The following YLPM1 variants were observed in gnomAD, a reference collection of about 807,000 sequenced individuals.
The protein encoded by YLPM1 is YLP motif containing 1.
A neutral mutation model predicts 230.0 loss-of-function variants in YLPM1; 99 were observed. The ratio of observed to expected loss-of-function variants is 0.43; its 90% CI spans 0.37 to 0.51. YLPM1 has a LOEUF of 0.51. Ranked by LOEUF, YLPM1 falls within the 20% of genes least tolerant of loss-of-function variation. The probability of loss-of-function intolerance (pLI) is 0.00; values close to 1 mark genes in which losing one functional copy is unlikely to be tolerated. For synonymous variants in YLPM1, 984 were observed against 942.5 expected (o/e 1.04, Z -0.81); for missense variants, 2,592 against 2,707.7 (o/e 0.96, Z 0.95).
intron 1 of YLPM1, among the ~76,000 whole-genome samples, chr14:74,770,254 G>A (rs1044135853): frequency 6.6e-6 from 1 of 151,706 alleles, no homozygotes; most frequent in Non-Finnish European, 1.5e-5. Context: ...TGGCTGAGGT[G>A]GGAGGATTGT....
chr14:74,782,615 T>G (rs1046518854), intron 4 of YLPM1, among the ~76,000 whole-genome samples: 5 of 152,222 alleles, frequency 3.3e-5, no homozygotes, highest in African/African-American at 1.2e-4. Context: ...TTAAAAATAA[T>G]ATTAAACTTT....
At chr14:74,823,151 C>T (rs1193259581) in intron 17 of YLPM1, among the ~76,000 whole-genome samples, 1 of 147,898 alleles carries the variant, frequency 6.8e-6, no homozygotes, top group African/African-American at 2.5e-5. Context: ...TAGGATTATG[C>T]TCTAGTAAAC....
In YLPM1 at chr14:74,798,269, A is replaced by G; in HGVS notation, c.2972A>G (p.His991Arg). The G allele has an allele frequency of 6.2e-7, 1 of 1,614,010 alleles. No homozygotes were observed. Among genetic ancestry groups the G allele is most frequent in the Non-Finnish European group, 8.5e-7 (1 of 1,179,902 alleles). The change falls in exon 5 of 21, where the codon CAT becomes CGT. Residue 991 changes from histidine to arginine, a missense_variant. Physicochemically the swap from His to Arg is conservative, Grantham distance 29. Coordinates refer to ENST00000325680, the MANE Select transcript of YLPM1 (RefSeq NM_019589.3). Reference sequence around the variant, plus strand: ...AAACCTGTGGGTATTGGTCTACCCCATTCAGAAAACAACCAAGATAAAGGC... The same window carrying G: ...AAACCTGTGGGTATTGGTCTACCCCGTTCAGAAAACAACCAAGATAAAGGC... ...DFKPVGIGLP[H>R]SENNQDKGLP...
chr14:74,833,240 G>T (rs1419584453), intron 19 of YLPM1, among the ~76,000 whole-genome samples: 1 of 152,034 alleles, frequency 6.6e-6, no homozygotes, highest in African/African-American at 2.4e-5. Flanking sequence ...GAATATACAT[G>T]AATTAAATTT....
chr14:74,821,002 A>G lies in YLPM1; in HGVS notation c.6031-55A>G, dbSNP rs116608059. The G allele has an allele frequency of 1.5e-3, 2,079 of 1,401,264 alleles. 30 individuals carry two copies. The African/African-American group carries it at 0.027, about 18-fold the overall frequency. 86.8% of individuals were successfully genotyped at this position (1,401,264 alleles called of 1,614,324 possible). A position where few individuals can be genotyped will look rare whatever the true frequency, so the allele number is the denominator to read the frequency against. On this transcript the variant is annotated intron_variant, in intron 16 of 20. Coordinates refer to ENST00000325680, the MANE Select transcript of YLPM1 (RefSeq NM_019589.3). ...ATTCCAGATCTCAATGAGGGAGTCA[A>G]TATTTTGCTAAATGTTAACTCAGTC... is the stretch of plus-strand genomic sequence containing the variant.
chr14:74,835,382 A>G lies in YLPM1; in HGVS notation c.6412A>G (p.Lys2138Glu). 6.2e-7 allele frequency: 1 copy of G among 1,613,724 alleles called. No individual in the cohort carries two copies. Among genetic ancestry groups the G allele is most frequent in the Non-Finnish European group, 8.5e-7 (1 of 1,179,706 alleles). ...ITDESGHLAE[K>E]ALNRTKYI Reference sequence around the variant, plus strand: ...AGATGAAAGTGGTCACCTGGCTGAAAAAGCCCTCAATCGAACCAAATATAT... The same window carrying G: ...AGATGAAAGTGGTCACCTGGCTGAAGAAGCCCTCAATCGAACCAAATATAT... Residue 2138 changes from lysine to glutamate, a missense_variant, in exon 20 of 21, where the codon AAA (lysine) becomes GAA (glutamate). Around this residue, in one of 4 missense-constraint regions of YLPM1, gnomAD observed 315 missense variants for 429.3 expected, o/e 0.73. Transcript: ENST00000325680.
At chr14:74,805,628 GGTGT>G (rs1236457988) in intron 6 of YLPM1, among the ~76,000 whole-genome samples, 1 of 152,072 alleles carries the variant, frequency 6.6e-6, no homozygotes. Context: ...TGGGATTACA[GGTGT>G]GAGCCCCTGC....
At chr14:74,769,269 T>C (rs1449993508) in intron 1 of YLPM1, among the ~76,000 whole-genome samples, 1 of 86,284 alleles carries the variant, frequency 1.2e-5, no homozygotes, top group Non-Finnish European at 2.1e-5. Context: ...CTTTTTTTTT[T>C]TTTTTTTTTT....
At position 74,802,665 on chromosome 14, in the gene YLPM1, G is replaced by A; in HGVS notation, c.4510G>A (p.Gly1504Arg). 1 of 1,609,766 alleles carries A rather than the reference G, an allele frequency of 6.2e-7. No individual in the cohort carries two copies. Among genetic ancestry groups the A allele is most frequent in the Admixed American group, 1.7e-5 (1 of 59,472 alleles). ...SRLQNTSSRP[G>R]MYPPPGSYRP... ...ATTGCAGAATACATCTTCAAGACCT[G>A]GAATGTATCCGGTATGGGAGAATGT... The change falls in exon 6 of 21, where the codon GGA (glycine) becomes AGA (arginine). Residue 1504 changes from glycine to arginine, a missense_variant. Transcript: ENST00000325680.
At position 74,820,253 on chromosome 14, in the gene YLPM1, T is replaced by C. The variant is rs536365663; in HGVS notation, c.6031-804T>C. The stretch of plus-strand genomic sequence containing the variant: ...CGGTGCTCTGGGAGTTATCCCTGAC[T>C]CTTTTGTCATTGTTGAGACAGAGTC... On this transcript the variant is annotated intron_variant, in intron 16 of 20. Transcript: ENST00000325680. Among the ~76,000 whole-genome samples, 3 of 152,286 alleles carry C rather than the reference T, an allele frequency of 2.0e-5. No individual in the cohort carries two copies. In the East Asian group the frequency reaches 5.8e-4, roughly 29 times the overall value.
In YLPM1 at chr14:74,778,512, G is replaced by A. The variant is rs142846161; in HGVS notation, c.939G>A (p.Leu313=). 5,513 of 1,608,622 alleles carry A rather than the reference G, an allele frequency of 3.4e-3. 15 individuals carry two copies. The highest frequency in any genetic ancestry group is 4.0e-3 in the Non-Finnish European group (4,721 of 1,177,524). ...TGCAACAGAGGACAAAAGTTCATTTGCCAGGACACAAAAAGGGTCCTGTGG... is the reference window on the plus strand; with the variant it reads ...TGCAACAGAGGACAAAAGTTCATTTACCAGGACACAAAAAGGGTCCTGTGG... ...LSLQQRTKVH[L]PGHKKGPVVA... The change falls in exon 2 of 21, where the codon TTG becomes TTA. Residue 313 remains leucine, a synonymous_variant. Coordinates refer to ENST00000325680, the MANE Select transcript of YLPM1 (RefSeq NM_019589.3).
In YLPM1 at chr14:74,763,736, C is replaced by G. The variant is rs2090874596; in HGVS notation, c.247C>G (p.Pro83Ala). 1 of 1,514,178 alleles carries G rather than the reference C, an allele frequency of 6.6e-7. No homozygotes were observed. The highest frequency in any genetic ancestry group is 2.2e-5 in the Admixed American group (1 of 44,506). 93.8% of individuals were successfully genotyped at this position (1,514,178 alleles called of 1,614,324 possible). A position where few individuals can be genotyped will look rare whatever the true frequency, so the allele number is the denominator to read the frequency against. ...CGTGCTTCAGCCCCACCACCTTCCT[C>G]CGCCCCCTCTGCCGCCCCCGCCAGT... is the stretch of plus-strand genomic sequence containing the variant. Reference protein sequence around the residue: ...QCVLQPHHLPPPPLPPPPVMP... With the variant: ...QCVLQPHHLPAPPLPPPPVMP... Residue 83 changes from proline (P) to alanine (A), a missense_variant, in exon 1 of 21, where the codon CCG becomes GCG. Pro to Ala is a conservative substitution (Grantham distance 27). Around this residue, in one of 4 missense-constraint regions of YLPM1, gnomAD observed 1,862 missense variants for 1,819.8 expected, o/e 1.02. Coordinates refer to ENST00000325680, the MANE Select transcript of YLPM1 (RefSeq NM_019589.3).
Position 74,835,865 on chromosome 14 carries a change from C to T in YLPM1, c.*127C>T, listed in dbSNP as rs1177414681. The T allele has an allele frequency of 2.2e-6, 1 of 456,310 alleles. No individual in the cohort carries two copies. Among genetic ancestry groups the T allele is most frequent in the Non-Finnish European group, 4.4e-6 (1 of 226,780 alleles). The allele number at this position is 456,310 out of a possible 1,614,324, so 28.3% of individuals were successfully genotyped here. A position where few individuals can be genotyped will look rare whatever the true frequency, so the allele number is the denominator to read the frequency against. On this transcript the variant is annotated 3_prime_UTR_variant, in exon 21 of 21. Transcript: ENST00000325680. ...CCACGTTTCAGTTCTTGTTTTGTTT[C>T]TACTGCTTTAGTTTTTTTTAAAGTT...
At chr14:74,801,286 A>T (rs1188422964) in intron 5 of YLPM1, among the ~76,000 whole-genome samples, 2 of 152,192 alleles carry the variant, frequency 1.3e-5, no homozygotes, top group African/African-American at 2.4e-5. Context: ...AAGGAGTATC[A>T]TAAGGGATGT....
At chr14:74,801,537 A>G (rs1566754227) in intron 5 of YLPM1, among the ~76,000 whole-genome samples, 1 of 152,250 alleles carries the variant, frequency 6.6e-6, no homozygotes, top group Non-Finnish European at 1.5e-5. Flanking sequence ...GGAATATGAA[A>G]TGTTGTTTTT....
intron 16 of YLPM1, 68 bp downstream of exon 16, chr14:74,818,382 C>A: frequency 7.4e-7 from 1 of 1,355,164 alleles, no homozygotes; most frequent in East Asian, 2.6e-5. Context: ...CTTTGAAAAA[C>A]TTAAAACCTA....
At position 74,763,354 on chromosome 14, in the gene YLPM1, C is replaced by A; in HGVS notation, c.-136C>A. On this transcript the variant is annotated 5_prime_UTR_variant, in exon 1 of 21. The change creates a new upstream start codon in the 5' untranslated region. Transcript: ENST00000325680. ...GGCCCAGCTCGGGAGCGCCGGCGCA[C>A]TGGCGCGCTCCGTTTACACGCTCCG... is the stretch of plus-strand genomic sequence containing the variant. 8.8e-7 allele frequency: 1 copy of A among 1,131,064 alleles called. No homozygotes were observed. Among genetic ancestry groups the A allele is most frequent in the Non-Finnish European group, 1.1e-6 (1 of 870,988 alleles). The allele number at this position is 1,131,064 out of a possible 1,614,324, so 70.1% of individuals were successfully genotyped here.
chr14:74,786,707 G>GT (rs1380886219), intron 4 of YLPM1, among the ~76,000 whole-genome samples: 1 of 152,116 alleles, frequency 6.6e-6, no homozygotes, highest in South Asian at 2.1e-4. Flanking sequence ...GGTCATTGAA[G>GT]TTTTTTGGTT....
intron 1 of YLPM1, among the ~76,000 whole-genome samples, chr14:74,775,651 G>T (rs1272971810): frequency 6.6e-6 from 1 of 152,182 alleles, no homozygotes; most frequent in African/African-American, 2.4e-5. Context: ...TGTTATAAAT[G>T]AAATCATAGC....
Sources: allele counts gnomAD v4.1 joint callset (sites outside exome capture counted in the v4.1 genomes callset), GRCh38; gene constraint gnomAD v4.1.1; regional missense constraint gnomAD v4.1.1; transcripts MANE v1.5; gene names NCBI Gene and HGNC (gene_info 2026-07-23, HGNC 2026-07-21).